Variants in BRD7 observed in about 807,000 individuals in gnomAD.
BRD7 encodes bromodomain-containing protein 7.
BRD7 carries 15 observed loss-of-function variants against 82.1 expected under a neutral mutation model. That is an observed-to-expected ratio of 0.18 (90% CI 0.12 to 0.28). The LOEUF (loss-of-function observed/expected upper bound fraction) is 0.28. Ranked by LOEUF, BRD7 falls within the 10% of genes least tolerant of loss-of-function variation. BRD7 has a pLI of 1.00. For synonymous variants in BRD7, 232 were observed against 266.9 expected (o/e 0.87, Z 1.27); for missense variants, 638 against 779.9 (o/e 0.82, Z 2.17).
At position 50,339,249 on chromosome 16, in the gene BRD7, T is replaced by C. The variant is rs192318447; in HGVS notation, c.702+727A>G. ...TTTCAAATTTTCTCTCATTTGTATA[T>C]AGTCACATGTAGCTTAATGAAGGGA... is the stretch of plus-strand genomic sequence containing the variant. On this transcript the variant is annotated intron_variant, in intron 6 of 16. Coordinates refer to ENST00000394688, the MANE Select transcript of BRD7 (RefSeq NM_013263.5). Among the ~76,000 whole-genome samples, 7 of 152,334 alleles carry C rather than the reference T, an allele frequency of 4.6e-5. No homozygotes were observed. The East Asian group carries it at 7.7e-4, about 17-fold the overall frequency.
At chr16:50,349,949 C>G (rs1291572361) in intron 5 of BRD7, 74 bp downstream of exon 5, 2 of 1,295,560 alleles carry the variant, frequency 1.5e-6, no homozygotes, top group Non-Finnish European at 2.1e-6. Flanking sequence ...AATAAAAGGT[C>G]AATGAGAAAG....
chr16:50,336,219 C>T (rs1225894790), intron 6 of BRD7, among the ~76,000 whole-genome samples: 4 of 152,094 alleles, frequency 2.6e-5, no homozygotes, highest in African/African-American at 9.7e-5. Flanking sequence ...TTTAGATTTC[C>T]ATGTTTCCAC....
chr16:50,347,722 C>T (rs979943481), intron 5 of BRD7, among the ~76,000 whole-genome samples: 3 of 152,156 alleles, frequency 2.0e-5, no homozygotes, highest in African/African-American at 7.2e-5. Context: ...AGGACCTCTT[C>T]AAGGAGAACT....
Position 50,316,394 on chromosome 16 carries a change from T to C in BRD7, c.*2817A>G, listed in dbSNP as rs747308946. ...AAAGTAAGGTGCGGCCTTTCACCTC[T>C]TCCTTGATTACTCACACATCTTTGC... On this transcript the variant is annotated 3_prime_UTR_variant, in exon 17 of 17. Transcript: ENST00000394688. 6 of 152,352 alleles carry C rather than the reference T, an allele frequency of 3.9e-5. No homozygotes were observed. The highest frequency in any genetic ancestry group is 8.8e-5 in the Non-Finnish European group (6 of 68,026). 9.4% of individuals were successfully genotyped at this position (152,352 alleles called of 1,614,324 possible). A position where few individuals can be genotyped will look rare whatever the true frequency, so the allele number is the denominator to read the frequency against.
intron 2 of BRD7, among the ~76,000 whole-genome samples, chr16:50,363,326 C>T (rs545988593): frequency 2.0e-4 from 30 of 152,048 alleles, no homozygotes; most frequent in Admixed American, 1.8e-3. Context: ...TAAGACTGAA[C>T]ATTTAGGAAA....
intron 5 of BRD7, among the ~76,000 whole-genome samples, chr16:50,343,820 G>A (rs1237367648): frequency 1.3e-5 from 2 of 152,188 alleles, no homozygotes; most frequent in Non-Finnish European, 2.9e-5. Context: ...GAACTGGGTG[G>A]AGCCTACCTC....
At chr16:50,326,601 C>T (rs956646581) in intron 9 of BRD7, among the ~76,000 whole-genome samples, 2 of 152,202 alleles carry the variant, frequency 1.3e-5, no homozygotes, top group African/African-American at 2.4e-5. Context: ...CTGTTCATTA[C>T]ACTCTCCTGC....
intron 4 of BRD7, among the ~76,000 whole-genome samples, chr16:50,352,885 T>G (rs1004830609): frequency 1.3e-5 from 2 of 152,140 alleles, no homozygotes; most frequent in African/African-American, 4.8e-5. Context: ...ATTCTGGCCT[T>G]ACGTTGCAAG....
intron 5 of BRD7, among the ~76,000 whole-genome samples, chr16:50,342,570 G>A (rs766533922): frequency 4.9e-5 from 7 of 141,614 alleles, no homozygotes; most frequent in East Asian, 2.3e-4. Flanking sequence ...ACAGGCATCC[G>A]CCACCACACT....
chr16:50,326,496 C>A, intron 9 of BRD7, 105 bp from the exon 10 acceptor site: 2 of 687,098 alleles, frequency 2.9e-6, no homozygotes, highest in East Asian at 5.6e-5. Context: ...ATCTGCATGA[C>A]CGTGAAGGAG....
intron 2 of BRD7, chr16:50,361,778 A>C (rs988727945): frequency 1.3e-5 from 2 of 152,124 alleles, no homozygotes; most frequent in Non-Finnish European, 2.9e-5. Flanking sequence ...TTCTGTGTTT[A>C]AAAAGAGACT....
intron 12 of BRD7, 83 bp from the exon 13 acceptor site, chr16:50,322,121 T>C: frequency 8.7e-7 from 1 of 1,143,774 alleles, no homozygotes; most frequent in South Asian, 1.4e-5. Flanking sequence ...CAGGAGTTTC[T>C]TGGCAAGAGA....
intron 1 of BRD7, 194 bp downstream of exon 1, chr16:50,368,532 A>G: frequency 1.4e-6 from 1 of 700,882 alleles, no homozygotes; most frequent in Non-Finnish European, 2.2e-6. Context: ...GACCCACCGG[A>G]CCAGGGGGAC....
rs958399887 is a variant in BRD7, at chr16:50,368,909, G to C, written c.-135C>G. The stretch of plus-strand genomic sequence containing the variant: ...GCGCCGCGAGGCAGGGGGGCGGCGC[G>C]CGCCGGGCGGCGCGATGCCCCTCTC... On this transcript the variant is annotated 5_prime_UTR_variant, in exon 1 of 17. Transcript: ENST00000394688. 4.3e-5 allele frequency: 15 copies of C among 345,232 alleles called. No homozygotes were observed. Among genetic ancestry groups the C allele is most frequent in the Non-Finnish European group, 6.1e-5 (15 of 247,316 alleles). The allele number at this position is 345,232 out of a possible 1,614,324, so 21.4% of individuals were successfully genotyped here.
chr16:50,368,047 G>A (rs752810911), intron 2 of BRD7, 43 bp downstream of exon 2: 3 of 1,585,820 alleles, frequency 1.9e-6, no homozygotes, highest in Admixed American at 3.3e-5. Context: ...ACCTGGAAGA[G>A]GCAGTGCCGT....
At chr16:50,364,070 A>G (rs1271836710) in intron 2 of BRD7, among the ~76,000 whole-genome samples, 1 of 135,866 alleles carries the variant, frequency 7.4e-6, no homozygotes, top group Non-Finnish European at 1.6e-5. Context: ...CTCAAAAAGG[A>G]AAAAAAAAAA....
chr16:50,363,446 C>G (rs968995969), intron 2 of BRD7, among the ~76,000 whole-genome samples: 3 of 152,190 alleles, frequency 2.0e-5, no homozygotes, highest in Admixed American at 1.3e-4. Context: ...GGGGTGGTGT[C>G]TTGTGGAAAC....
At chr16:50,368,013 C>A in intron 2 of BRD7, 77 bp downstream of exon 2, 243 of 1,350,652 alleles carry the variant, frequency 1.8e-4, no homozygotes, top group East Asian at 6.0e-4. Flanking sequence ...TCCCCAGATA[C>A]AAAGAAAATA....
At chr16:50,319,442 G>A (rs542230458) in intron 16 of BRD7, among the ~76,000 whole-genome samples, 176 bp from the exon 17 acceptor site, 1 of 152,240 alleles carries the variant, frequency 6.6e-6, no homozygotes, top group Non-Finnish European at 1.5e-5. Flanking sequence ...CTGCACACAG[G>A]AAATCTTTAT....
Sources: allele counts gnomAD v4.1 joint callset (sites outside exome capture counted in the v4.1 genomes callset), GRCh38; gene constraint gnomAD v4.1.1; transcripts MANE v1.5; gene names NCBI Gene and HGNC (gene_info 2026-07-23, HGNC 2026-07-21).